Variants in GRIK2 observed in about 807,000 individuals in gnomAD.
GRIK2 encodes glutamate receptor ionotropic, kainate 2.
In GRIK2, 32 loss-of-function variants were observed where a neutral mutation model predicts 100.3. That is an observed-to-expected ratio of 0.32 (90% CI 0.24 to 0.43). The LOEUF (loss-of-function observed/expected upper bound fraction) is 0.43. Ranked by LOEUF, GRIK2 falls within the 20% of genes least tolerant of loss-of-function variation. The pLI, the probability that GRIK2 is intolerant of heterozygous loss-of-function variation, is 1.00. For synonymous variants in GRIK2, 417 were observed against 389.4 expected (o/e 1.07, Z -0.83); for missense variants, 843 against 1,114.9 (o/e 0.76, Z 3.47).
At chr6:101,639,889 T>A (rs576636893) in intron 4 of GRIK2, among the ~76,000 whole-genome samples, 1 of 152,126 alleles carries the variant, frequency 6.6e-6, no homozygotes, top group Admixed American at 6.6e-5. Flanking sequence ...AACAAATAAT[T>A]TTTTTGCATG....
At chr6:102,062,025 A>T (rs997572590) in intron 16 of GRIK2, among the ~76,000 whole-genome samples, 27 of 146,260 alleles carry the variant, frequency 1.8e-4, no homozygotes, top group African/African-American at 5.7e-4. Context: ...GTCAGACCTT[A>T]TTTTTTTTTT....
intron 15 of GRIK2, among the ~76,000 whole-genome samples, chr6:102,051,334 T>G (rs566764038): frequency 1.4e-5 from 2 of 146,814 alleles, no homozygotes; most frequent in Admixed American, 6.9e-5. Flanking sequence ...AGCTAGGACT[T>G]TTTTTTACTT....
At chr6:101,834,198 C>T (rs9498726) in intron 10 of GRIK2, among the ~76,000 whole-genome samples, 2,524 of 152,116 alleles carry the variant, frequency 0.017, 68 homozygotes, top group African/African-American at 0.058. Flanking sequence ...GAATCTCTTT[C>T]TCACATAAAA....
At chr6:101,501,902 T>G (rs1483334199) in intron 2 of GRIK2, among the ~76,000 whole-genome samples, 2 of 152,058 alleles carry the variant, frequency 1.3e-5, no homozygotes, top group Admixed American at 6.6e-5. Flanking sequence ...GGACTACAGA[T>G]GTGTGCCACC....
At chr6:101,869,001 G>C (rs944465018) in intron 11 of GRIK2, among the ~76,000 whole-genome samples, 28 of 151,780 alleles carry the variant, frequency 1.8e-4, no homozygotes, top group African/African-American at 6.3e-4. Context: ...ACATGAGGGA[G>C]TATATCTAAT....
In GRIK2 at chr6:101,393,741, G is replaced by A. The variant is rs1416379521; in HGVS notation, c.-390G>A. 3.3e-5 allele frequency among the ~76,000 whole-genome samples: 5 copies of A among 152,126 alleles called. No homozygotes were observed. Among genetic ancestry groups the A allele is most frequent in the East Asian group, 3.9e-4 (2 of 5,086 alleles). The stretch of plus-strand genomic sequence containing the variant: ...TCGGCGCCGGCGGCTGCGCTGGTCG[G>A]TCTGGTAGCTGGGGACTTTTCCGCC... On this transcript the variant is annotated 5_prime_UTR_variant, in exon 1 of 17. Coordinates refer to ENST00000369134, the MANE Select transcript of GRIK2 (RefSeq NM_021956.5).
At chr6:101,756,636 A>G (rs868555540) in intron 7 of GRIK2, among the ~76,000 whole-genome samples, 25 of 152,326 alleles carry the variant, frequency 1.6e-4, no homozygotes, top group African/African-American at 5.8e-4. Flanking sequence ...GGACAAGTTT[A>G]TAAGGGCTTG....
intron 14 of GRIK2, among the ~76,000 whole-genome samples, chr6:101,958,284 G>GTGT (rs758541113): frequency 2.6e-4 from 5 of 18,898 alleles, no homozygotes; most frequent in East Asian, 2.3e-3. Context: ...TGTGTGTGTG[G>GTGT]GTCCATTGCA....
At chr6:101,434,781 G>A (rs1366991145) in intron 2 of GRIK2, among the ~76,000 whole-genome samples, 1 of 152,088 alleles carries the variant, frequency 6.6e-6, no homozygotes, top group Non-Finnish European at 1.5e-5. Flanking sequence ...AGACATGTCA[G>A]TGGTGGTACC....
intron 2 of GRIK2, among the ~76,000 whole-genome samples, chr6:101,595,745 T>G (rs1157353653): frequency 6.8e-6 from 1 of 147,642 alleles, no homozygotes; most frequent in African/African-American, 2.5e-5. Flanking sequence ...TATATATTCA[T>G]ACACATATAA....
At chr6:101,791,030 AT>A (rs1351735302) in intron 7 of GRIK2, among the ~76,000 whole-genome samples, 6 of 152,034 alleles carry the variant, frequency 3.9e-5, no homozygotes, top group Non-Finnish European at 7.4e-5. Flanking sequence ...GGTAGTTTGT[AT>A]TTCTGTGGGA....
chr6:101,754,113 A>T (rs913056410), intron 7 of GRIK2, among the ~76,000 whole-genome samples: 1 of 152,104 alleles, frequency 6.6e-6, no homozygotes, highest in Non-Finnish European at 1.5e-5. Flanking sequence ...TTCTTCTCCT[A>T]TAAGTATATA....
At chr6:101,759,087 T>C (rs1356746981) in intron 7 of GRIK2, among the ~76,000 whole-genome samples, 1 of 152,208 alleles carries the variant, frequency 6.6e-6, no homozygotes, top group African/African-American at 2.4e-5. Flanking sequence ...CTCAGAGAGT[T>C]TCATTTTTGC....
chr6:101,423,106 G>A (rs78564839), intron 2 of GRIK2, among the ~76,000 whole-genome samples: 17 of 152,194 alleles, frequency 1.1e-4, no homozygotes, highest in Non-Finnish European at 2.2e-4. Flanking sequence ...TAGAGACACC[G>A]GTCTTTGTAT....
At chr6:101,802,290 T>C in intron 8 of GRIK2, 41 bp from the exon 9 acceptor site, 1 of 795,852 alleles carries the variant, frequency 1.3e-6, no homozygotes, top group Non-Finnish European at 2.0e-6. Flanking sequence ...TATTCCATCT[T>C]TCTTCACTTA....
rs141623770 is a variant in GRIK2, at chr6:101,773,799, T to C, written c.952-25849T>C. On this transcript the variant is annotated intron_variant, in intron 7 of 16. Coordinates refer to ENST00000369134, the MANE Select transcript of GRIK2 (RefSeq NM_021956.5). ...GTGAGGAAAATGAAGCTAAGAAAGA[T>C]AACATGACTTCCCATTGCCACTAAG... is the stretch of plus-strand genomic sequence containing the variant. Among the ~76,000 whole-genome samples the C allele has an allele frequency of 2.7e-3, 418 of 152,228 alleles. 2 individuals carry two copies. The highest frequency in any genetic ancestry group is 8.7e-3 in the African/African-American group (362 of 41,564).
chr6:101,546,770 C>A (rs1392427151), intron 2 of GRIK2, among the ~76,000 whole-genome samples: 1 of 150,928 alleles, frequency 6.6e-6, no homozygotes. Context: ...CTTAAAAGAG[C>A]CAGTTTTATA....
chr6:102,046,262 G>A (rs1770881793), intron 15 of GRIK2, among the ~76,000 whole-genome samples: 1 of 152,076 alleles, frequency 6.6e-6, no homozygotes, highest in Non-Finnish European at 1.5e-5. Context: ...TTATTAATAG[G>A]TAAATCAACC....
At chr6:101,963,446 T>C (rs1443600788) in intron 14 of GRIK2, among the ~76,000 whole-genome samples, 2 of 148,944 alleles carry the variant, frequency 1.3e-5, no homozygotes, top group Admixed American at 1.3e-4. Context: ...TACAGGCGCC[T>C]GCCACAGCAC....
Sources: gnomAD v4.1 joint callset for allele counts (sites outside exome capture counted in the v4.1 genomes callset) on GRCh38, gnomAD v4.1.1 for gene constraint, MANE v1.5 for transcripts, NCBI Gene and HGNC (gene_info 2026-07-23, HGNC 2026-07-21) for gene names.